The following PID1 variants were observed in gnomAD, a reference collection of about 807,000 sequenced individuals.
PID1 encodes PTB-containing, cubilin and LRP1-interacting protein.
Under a neutral mutation model 19.1 loss-of-function variants are expected in PID1, and 10 were observed. That is an observed-to-expected ratio of 0.52 (90% confidence interval 0.32 to 0.89). PID1 has a LOEUF of 0.89. PID1 is among the 40% of genes least tolerant of loss of function. PID1 has a pLI of 0.03. For missense variants in PID1, 248 were observed against 285.3 expected, an observed-to-expected ratio of 0.87 and a Z score of 0.94; for synonymous variants, 130 against 116.0, an observed-to-expected ratio of 1.12 and a Z score of -0.78.
intron 1 of PID1, among the ~76,000 whole-genome samples, chr2:229,211,372 T>C (rs1691730721): frequency 6.6e-6 from 1 of 152,070 alleles, no homozygotes; most frequent in African/African-American, 2.4e-5. Flanking sequence ...CTGGGGACAG[T>C]AGTCTAAATG....
At chr2:229,060,193 C>G (rs1208090595) in intron 2 of PID1, among the ~76,000 whole-genome samples, 3 of 151,924 alleles carry the variant, frequency 2.0e-5, no homozygotes, top group Non-Finnish European at 2.9e-5. Flanking sequence ...TTATAGTCAC[C>G]ATTCTGTGCA....
At chr2:229,207,108 C>T (rs1455939203) in intron 1 of PID1, among the ~76,000 whole-genome samples, 7 of 152,092 alleles carry the variant, frequency 4.6e-5, no homozygotes, top group African/African-American at 1.7e-4. Context: ...TTTTGCTTTC[C>T]CTACTACTAA....
intron 1 of PID1, chr2:229,231,931 C>A (rs560587616): frequency 1.3e-6 from 2 of 1,550,280 alleles, no homozygotes; most frequent in Non-Finnish European, 1.7e-6. Context: ...CTCACCGTTC[C>A]GGAGGCTAGG....
intron 2 of PID1, among the ~76,000 whole-genome samples, chr2:229,127,331 T>A (rs1233805105): frequency 6.6e-6 from 1 of 152,172 alleles, no homozygotes; most frequent in African/African-American, 2.4e-5. Context: ...GATCCAAAAC[T>A]GGCCACACTG....
At chr2:229,249,507 T>G (rs1690092251) in intron 1 of PID1, among the ~76,000 whole-genome samples, 1 of 152,226 alleles carries the variant, frequency 6.6e-6, no homozygotes, top group South Asian at 2.1e-4. Context: ...GCCGGCCTTG[T>G]ATTCCAAGTA....
chr2:229,164,510 A>G (rs1690559792), intron 1 of PID1, among the ~76,000 whole-genome samples: 1 of 152,222 alleles, frequency 6.6e-6, no homozygotes, highest in African/African-American at 2.4e-5. Flanking sequence ...AGTTATTCCC[A>G]CATGCCCCTT....
chr2:229,071,371 G>T (rs962998212), intron 2 of PID1, among the ~76,000 whole-genome samples: 2 of 152,192 alleles, frequency 1.3e-5, no homozygotes, highest in Admixed American at 6.5e-5. Context: ...TGTTGTTGGG[G>T]TTGTTGCTGA....
At chr2:229,182,956 G>T (rs776597574) in intron 1 of PID1, among the ~76,000 whole-genome samples, 1 of 152,166 alleles carries the variant, frequency 6.6e-6, no homozygotes, top group Non-Finnish European at 1.5e-5. Context: ...CTCATTCTCA[G>T]CTGAGGGCTT....
chr2:229,115,452 A>G (rs1012609989), intron 2 of PID1, among the ~76,000 whole-genome samples: 7 of 152,080 alleles, frequency 4.6e-5, no homozygotes, highest in Middle Eastern at 3.4e-3. Context: ...GGAAAAAGAA[A>G]AAATGAAGAA....
At chr2:229,212,511 CA>C (rs1691760136) in intron 1 of PID1, among the ~76,000 whole-genome samples, 1 of 152,292 alleles carries the variant, frequency 6.6e-6, no homozygotes, top group Admixed American at 6.5e-5. Context: ...GCTGAAAGGG[CA>C]GCTGGATTTG....
chr2:229,224,330 G>T (rs1692033081), intron 1 of PID1, among the ~76,000 whole-genome samples: 1 of 152,114 alleles, frequency 6.6e-6, no homozygotes, highest in South Asian at 2.1e-4. Context: ...CCATTATTGG[G>T]TATCTACCAG....
At chr2:229,059,451 G>C (rs1010326288) in intron 2 of PID1, among the ~76,000 whole-genome samples, 1 of 152,174 alleles carries the variant, frequency 6.6e-6, no homozygotes, top group Non-Finnish European at 1.5e-5. Context: ...AATCTCATGT[G>C]TATATGTCAG....
chr2:229,169,638 C>T (rs950340168), intron 1 of PID1, among the ~76,000 whole-genome samples: 2 of 152,258 alleles, frequency 1.3e-5, no homozygotes, highest in African/African-American at 4.8e-5. Flanking sequence ...CTCTCAAATG[C>T]TGTCTCTTTC....
chr2:229,242,325 C>T (rs1689890266), intron 1 of PID1, among the ~76,000 whole-genome samples: 2 of 152,162 alleles, frequency 1.3e-5, no homozygotes, highest in African/African-American at 4.8e-5. Flanking sequence ...ACTCAGCTCA[C>T]TCCATATAAT....
chr2:229,125,495 C>A (rs1189050138), intron 2 of PID1, among the ~76,000 whole-genome samples: 1 of 151,692 alleles, frequency 6.6e-6, no homozygotes, highest in Non-Finnish European at 1.5e-5. Flanking sequence ...ACGCAACTAA[C>A]AACCCAAATC....
intron 2 of PID1, among the ~76,000 whole-genome samples, chr2:229,119,438 A>C (rs573227880): frequency 1.3e-5 from 2 of 152,332 alleles, no homozygotes; most frequent in East Asian, 3.9e-4. Context: ...TTTCCTTAAA[A>C]TAGTAGTCAG....
chr2:229,199,648 T>C lies in PID1; in HGVS notation c.31-43684A>G, dbSNP rs941393987. Among the ~76,000 whole-genome samples, 55 of 151,050 alleles carry C rather than the reference T, an allele frequency of 3.6e-4. 2 individuals carry two copies. Among genetic ancestry groups the C allele is most frequent in the Admixed American group, 3.5e-3 (53 of 15,122 alleles). ...TGAAATCTATAAACTATCTCCATGA[T>C]TGCATTTAAAGGAAGCTGCTTAATG... On this transcript the variant is annotated intron_variant, in intron 1 of 2. Coordinates refer to ENST00000392055, the MANE Select transcript of PID1 (RefSeq NM_001100818.2).
At chr2:229,171,635 T>C (rs1468000909) in intron 1 of PID1, among the ~76,000 whole-genome samples, 1 of 152,232 alleles carries the variant, frequency 6.6e-6, no homozygotes, top group Non-Finnish European at 1.5e-5. Flanking sequence ...GTTTAGATGA[T>C]GTTTCTTCTT....
At chr2:229,139,146 A>AAAGAAAGCAAGC (rs1293626727) in intron 2 of PID1, among the ~76,000 whole-genome samples, 10 of 108,974 alleles carry the variant, frequency 9.2e-5, no homozygotes, top group African/African-American at 3.7e-4. Flanking sequence ...AGAAAGAAAG[A>AAAGAAAGCAAGC]AAGCAAGCGA....
Sources: allele counts gnomAD v4.1 joint callset (sites outside exome capture counted in the v4.1 genomes callset), GRCh38; gene constraint gnomAD v4.1.1; transcripts MANE v1.5; gene names NCBI Gene and HGNC (gene_info 2026-07-23, HGNC 2026-07-21).